The following ANAPC10 variants were observed in gnomAD, a reference collection of about 807,000 sequenced individuals.
The protein encoded by ANAPC10 is anaphase promoting complex subunit 10, also known as anaphase-promoting complex subunit 10.
In ANAPC10, 12 loss-of-function variants were observed where a neutral mutation model predicts 22.0. The ratio of observed to expected loss-of-function variants is 0.55; its 90% confidence interval spans 0.35 to 0.88. ANAPC10 has a LOEUF of 0.88. Ranked by LOEUF, ANAPC10 falls within the 40% of genes least tolerant of loss-of-function variation. The probability of loss-of-function intolerance (pLI) is 0.01; values close to 1 mark genes in which losing one functional copy is unlikely to be tolerated. For missense variants in ANAPC10, 188 were observed against 220.9 expected (o/e 0.85, Z 0.94); for synonymous variants, 65 against 69.5 (o/e 0.94, Z 0.32).
At chr4:145,014,966 C>G (rs1734877096) in intron 4 of ANAPC10, among the ~76,000 whole-genome samples, 1 of 152,122 alleles carries the variant, frequency 6.6e-6, no homozygotes, top group African/African-American at 2.4e-5. Context: ...TTCCCTCTGA[C>G]AGAGGCTATG....
At chr4:145,028,639 T>C (rs933254215) in intron 4 of ANAPC10, among the ~76,000 whole-genome samples, 1 of 152,196 alleles carries the variant, frequency 6.6e-6, no homozygotes, top group African/African-American at 2.4e-5. Context: ...CCAAAACTGC[T>C]AAGGACTCTA....
chr4:145,006,820 C>T (rs1733445491), intron 4 of ANAPC10, among the ~76,000 whole-genome samples: 2 of 151,932 alleles, frequency 1.3e-5, no homozygotes, highest in Admixed American at 6.6e-5. Flanking sequence ...TCTGTGATTC[C>T]ACCTTCTTCA....
intron 2 of ANAPC10, among the ~76,000 whole-genome samples, chr4:145,095,748 T>G (rs939365018): frequency 6.6e-6 from 1 of 152,240 alleles, no homozygotes; most frequent in East Asian, 1.9e-4. Flanking sequence ...AATTGTTCTA[T>G]TTTATTATTA....
At chr4:145,061,416 T>C (rs1742868802) in intron 4 of ANAPC10, among the ~76,000 whole-genome samples, 1 of 152,100 alleles carries the variant, frequency 6.6e-6, no homozygotes, top group Non-Finnish European at 1.5e-5. Flanking sequence ...CAAAAATGCA[T>C]CAAAGAGTTC....
intron 4 of ANAPC10, among the ~76,000 whole-genome samples, chr4:145,005,144 A>G (rs1175087711): frequency 1.3e-5 from 2 of 152,066 alleles, no homozygotes; most frequent in African/African-American, 4.8e-5. Context: ...TCTGCCTCTC[A>G]GGCTCTAGCC....
At chr4:145,073,039 T>C (rs1415277411) in intron 3 of ANAPC10, among the ~76,000 whole-genome samples, 4 of 152,064 alleles carry the variant, frequency 2.6e-5, no homozygotes, top group Admixed American at 6.6e-5. Context: ...ACTACAGGTG[T>C]GTACCACCAC....
intron 2 of ANAPC10, among the ~76,000 whole-genome samples, chr4:145,084,761 C>T (rs905934130): frequency 1.2e-4 from 19 of 152,202 alleles, no homozygotes; most frequent in African/African-American, 4.1e-4. Context: ...TGAAATATAG[C>T]AAGTCCAAAT....
At chr4:145,025,855 G>A (rs976481436) in intron 4 of ANAPC10, among the ~76,000 whole-genome samples, 1 of 152,114 alleles carries the variant, frequency 6.6e-6, no homozygotes, top group African/African-American at 2.4e-5. Context: ...GTAGTGTAAG[G>A]AATAGTTAAA....
At chr4:145,095,428 C>T (rs184100039) in intron 2 of ANAPC10, among the ~76,000 whole-genome samples, 1 of 152,314 alleles carries the variant, frequency 6.6e-6, no homozygotes, top group African/African-American at 2.4e-5. Flanking sequence ...CCAGCATATC[C>T]ACACTGTGTA....
intron 4 of ANAPC10, among the ~76,000 whole-genome samples, chr4:145,012,306 T>G (rs1157560211): frequency 6.6e-6 from 1 of 151,510 alleles, no homozygotes; most frequent in African/African-American, 2.4e-5. Context: ...TATTGTCACT[T>G]GAACATGTTT....
intron 4 of ANAPC10, among the ~76,000 whole-genome samples, chr4:145,054,696 C>G (rs186973015): frequency 7.0e-6 from 1 of 142,362 alleles, no homozygotes; most frequent in Non-Finnish European, 1.5e-5. Flanking sequence ...GTGTGTGTGC[C>G]TGTGTGTGTG....
intron 4 of ANAPC10, among the ~76,000 whole-genome samples, chr4:145,062,365 G>C (rs1743019671): frequency 1.3e-5 from 2 of 151,934 alleles, no homozygotes; most frequent in South Asian, 4.2e-4. Context: ...CTAGCACTTT[G>C]GGAGGCCGAG....
intron 3 of ANAPC10, among the ~76,000 whole-genome samples, chr4:145,075,772 T>C (rs1164951998): frequency 6.6e-6 from 1 of 152,130 alleles, no homozygotes; most frequent in Non-Finnish European, 1.5e-5. Context: ...GGAGTGCTGC[T>C]TGGAGAGTTA....
intron 4 of ANAPC10, among the ~76,000 whole-genome samples, chr4:145,056,014 A>C (rs1205243449): frequency 6.6e-6 from 1 of 152,176 alleles, no homozygotes; most frequent in African/African-American, 2.4e-5. Context: ...GCATGGGTCA[A>C]TGGCAAGCCT....
chr4:145,086,916 A>G (rs1746986545), intron 2 of ANAPC10, among the ~76,000 whole-genome samples: 1 of 151,978 alleles, frequency 6.6e-6, no homozygotes, highest in African/African-American at 2.4e-5. Context: ...TGTTTGGTAA[A>G]TATTCATGCT....
At chr4:145,027,560 G>T (rs1283766589) in intron 4 of ANAPC10, among the ~76,000 whole-genome samples, 4 of 152,102 alleles carry the variant, frequency 2.6e-5, no homozygotes, top group African/African-American at 7.2e-5. Flanking sequence ...TATGCAATAA[G>T]GCACAGCATC....
At chr4:145,045,801 A>C (rs1433131663) in intron 4 of ANAPC10, among the ~76,000 whole-genome samples, 2 of 152,088 alleles carry the variant, frequency 1.3e-5, no homozygotes, top group East Asian at 3.8e-4. Flanking sequence ...CAGCCCACAA[A>C]GAAGTAAAAA....
chr4:145,062,233 T>C (rs1444398656), intron 4 of ANAPC10, among the ~76,000 whole-genome samples: 2 of 152,074 alleles, frequency 1.3e-5, no homozygotes, highest in Admixed American at 1.3e-4. Context: ...AAAGAAGAAA[T>C]GTTTTTAAAT....
intron 4 of ANAPC10, among the ~76,000 whole-genome samples, chr4:145,048,580 C>T (rs1291591019): frequency 6.6e-6 from 1 of 152,090 alleles, no homozygotes; most frequent in Non-Finnish European, 1.5e-5. Flanking sequence ...ATACCATCTA[C>T]TGGTAGTTGA....
Sources: allele counts gnomAD v4.1 joint callset (sites outside exome capture counted in the v4.1 genomes callset), GRCh38; gene constraint gnomAD v4.1.1; transcripts MANE v1.5; gene names NCBI Gene and HGNC (gene_info 2026-07-23, HGNC 2026-07-21).